GAB2: variants seen among roughly 807,000 people sequenced by gnomAD.
GAB2 encodes GRB2-associated-binding protein 2.
Under a neutral mutation model 65.5 loss-of-function variants are expected in GAB2, and 26 were observed. The ratio of observed to expected loss-of-function variants is 0.40; its 90% CI spans 0.29 to 0.55. The LOEUF is 0.55. GAB2 is among the 20% of genes least tolerant of loss of function. GAB2 has a pLI of 0.53. For synonymous variants in GAB2, 321 were observed against 329.6 expected (o/e 0.97, Z 0.28); for missense variants, 884 against 875.8 (o/e 1.01, Z -0.12).
chr11:78,380,839 G>T (rs935646614), intron 1 of GAB2, among the ~76,000 whole-genome samples: 2 of 128,252 alleles, frequency 1.6e-5, no homozygotes, highest in Non-Finnish European at 3.1e-5. Context: ...ATCTCAGAAC[G>T]TTGTCCCTCC....
At chr11:78,303,105 G>A (rs1867079133) in intron 1 of GAB2, among the ~76,000 whole-genome samples, 1 of 152,224 alleles carries the variant, frequency 6.6e-6, no homozygotes, top group African/African-American at 2.4e-5. Flanking sequence ...TATACTGCTC[G>A]GGTGATGAGT....
At position 78,223,400 on chromosome 11, in the gene GAB2, G is replaced by T; in HGVS notation, c.1567+12C>A. The T allele has an allele frequency of 6.6e-7, 1 of 1,510,260 alleles. No individual in the cohort carries two copies. The highest frequency in any genetic ancestry group is 1.3e-5 in the South Asian group (1 of 74,616). The allele number at this position is 1,510,260 out of a possible 1,614,324, so 93.6% of individuals were successfully genotyped here. ...CTGTCCAGAGATGGGACAGGGGAAA[G>T]AATGGACTTACCTTTCCGATCAGGT... On this transcript the variant is annotated intron_variant, in intron 6 of 9. Transcript: ENST00000361507.
chr11:78,415,939 C>CT (rs1303081510), intron 1 of GAB2, among the ~76,000 whole-genome samples: 8,305 of 128,984 alleles, frequency 0.064, 311 homozygotes, highest in East Asian at 0.17. Context: ...TTAAGGGTCA[C>CT]TTTTTTTTTT....
intron 1 of GAB2, among the ~76,000 whole-genome samples, chr11:78,409,167 G>A (rs1857092817): frequency 6.6e-6 from 1 of 152,168 alleles, no homozygotes; most frequent in South Asian, 2.1e-4. Context: ...TCAGATACTT[G>A]TATAATATAT....
At chr11:78,357,991 T>C (rs1001041964) in intron 1 of GAB2, among the ~76,000 whole-genome samples, 2 of 152,080 alleles carry the variant, frequency 1.3e-5, no homozygotes, top group Admixed American at 6.6e-5. Flanking sequence ...AAGACACATG[T>C]ACATGTATGT....
chr11:78,248,103 T>C (rs1865346306), intron 3 of GAB2, among the ~76,000 whole-genome samples: 2 of 152,146 alleles, frequency 1.3e-5, no homozygotes, highest in Non-Finnish European at 2.9e-5. Flanking sequence ...TGTATTAATA[T>C]AAAAATCCAT....
At chr11:78,390,370 G>A (rs765030789) in intron 1 of GAB2, among the ~76,000 whole-genome samples, 62 of 152,290 alleles carry the variant, frequency 4.1e-4, no homozygotes, top group South Asian at 8.3e-4. Flanking sequence ...AGGATCACTT[G>A]AGCCCAGGAG....
chr11:78,340,416 A>G (rs1009924165), intron 1 of GAB2, among the ~76,000 whole-genome samples: 5 of 152,166 alleles, frequency 3.3e-5, no homozygotes, highest in Non-Finnish European at 5.9e-5. Context: ...CACTGTGCAT[A>G]CACCCTCTCA....
intron 1 of GAB2, among the ~76,000 whole-genome samples, chr11:78,368,134 A>C (rs1023087766): frequency 6.6e-6 from 1 of 152,052 alleles, no homozygotes; most frequent in South Asian, 2.1e-4. Flanking sequence ...TTAATTTTCT[A>C]TTCTTTGTTC....
chr11:78,240,511 T>A (rs1035575760), intron 3 of GAB2, among the ~76,000 whole-genome samples: 3 of 151,680 alleles, frequency 2.0e-5, no homozygotes, highest in African/African-American at 7.3e-5. Flanking sequence ...GAGATACGCC[T>A]CTCCCTGGGG....
At chr11:78,258,833 T>A (rs1469128753) in intron 2 of GAB2, among the ~76,000 whole-genome samples, 1 of 152,184 alleles carries the variant, frequency 6.6e-6, no homozygotes, top group African/African-American at 2.4e-5. Flanking sequence ...GGGTACCCTT[T>A]TTGATTTTCA....
intron 1 of GAB2, among the ~76,000 whole-genome samples, chr11:78,368,261 C>A (rs1050377547): frequency 5.3e-5 from 8 of 152,182 alleles, no homozygotes; most frequent in African/African-American, 1.9e-4. Flanking sequence ...GCAACTCAAC[C>A]AATGCATCTG....
intron 1 of GAB2, among the ~76,000 whole-genome samples, chr11:78,372,211 T>C (rs2134729351): frequency 6.6e-6 from 1 of 152,318 alleles, no homozygotes; most frequent in Middle Eastern, 3.4e-3. Flanking sequence ...GTTTACAAAG[T>C]GCTTTCACCT....
chr11:78,282,740 A>G (rs1193553183), intron 1 of GAB2, among the ~76,000 whole-genome samples: 2 of 152,120 alleles, frequency 1.3e-5, no homozygotes, highest in East Asian at 3.8e-4. Context: ...AGCACTTTGT[A>G]TACACCCTGA....
At chr11:78,331,330 C>T (rs929665824) in intron 1 of GAB2, among the ~76,000 whole-genome samples, 2 of 150,322 alleles carry the variant, frequency 1.3e-5, no homozygotes, top group African/African-American at 2.5e-5. Flanking sequence ...ACTGCAATCT[C>T]TGCCTCCCAG....
chr11:78,417,624 G>T, intron 1 of GAB2, 22 bp downstream of exon 1: 1 of 1,304,906 alleles, frequency 7.7e-7, no homozygotes, highest in Non-Finnish European at 1.0e-6. Context: ...GCCCGCCCCT[G>T]GGCGGCCGCG....
intron 2 of GAB2, among the ~76,000 whole-genome samples, chr11:78,253,998 A>G (rs965349052): frequency 6.6e-6 from 1 of 152,182 alleles, no homozygotes; most frequent in African/African-American, 2.4e-5. Context: ...GAGTATGAAT[A>G]AAAGAGGAGT....
intron 1 of GAB2, among the ~76,000 whole-genome samples, chr11:78,374,835 A>G (rs1856613046): frequency 6.6e-6 from 1 of 152,234 alleles, no homozygotes; most frequent in African/African-American, 2.4e-5. Context: ...GGTTTATTCT[A>G]TGCATAAAAC....
intron 1 of GAB2, among the ~76,000 whole-genome samples, chr11:78,347,161 G>A (rs553441726): frequency 3.3e-5 from 5 of 152,176 alleles, no homozygotes; most frequent in African/African-American, 1.2e-4. Context: ...CTTATCAAGA[G>A]GGCACCAAAA....
Sources: gnomAD v4.1 joint callset for allele counts (sites outside exome capture counted in the v4.1 genomes callset) on GRCh38, gnomAD v4.1.1 for gene constraint, MANE v1.5 for transcripts, NCBI Gene and HGNC (gene_info 2026-07-23, HGNC 2026-07-21) for gene names.